The following NXPH1 variants were observed in gnomAD, a reference collection of about 807,000 sequenced individuals.
The protein encoded by NXPH1 is neurexophilin-1.
In NXPH1, 5 loss-of-function variants were observed where a neutral mutation model predicts 23.7. That is an observed-to-expected ratio of 0.21 (90% CI 0.11 to 0.44). NXPH1 has a LOEUF of 0.44. Among genes scored for constraint, NXPH1 ranks in the 20% least tolerant of loss-of-function variants. The probability of loss-of-function intolerance (pLI) is 0.99; values close to 1 mark genes in which losing one functional copy is unlikely to be tolerated. For synonymous variants in NXPH1, 144 were observed against 122.2 expected (o/e 1.18, Z -1.18); for missense variants, 324 against 321.6 (o/e 1.01, Z -0.06).
chr7:8,513,178 G>C, intron 2 of NXPH1, among the ~76,000 whole-genome samples: 1 of 152,068 alleles, frequency 6.6e-6, no homozygotes, highest in East Asian at 1.9e-4. Flanking sequence ...CTTTGAATGG[G>C]GTCATGAACA....
intron 2 of NXPH1, among the ~76,000 whole-genome samples, chr7:8,470,408 C>G (rs755585152): frequency 1.3e-5 from 2 of 152,108 alleles, no homozygotes; most frequent in Non-Finnish European, 2.9e-5. Flanking sequence ...AAATAATTTT[C>G]CTACAAAGGG....
intron 2 of NXPH1, among the ~76,000 whole-genome samples, chr7:8,513,622 A>T (rs777926879): frequency 6.6e-6 from 1 of 152,118 alleles, no homozygotes; most frequent in Non-Finnish European, 1.5e-5. Flanking sequence ...AGTAGCTACC[A>T]ACATTGCATT....
intron 2 of NXPH1, among the ~76,000 whole-genome samples, chr7:8,637,084 A>G (rs1820228382): frequency 6.6e-6 from 1 of 152,206 alleles, no homozygotes; most frequent in African/African-American, 2.4e-5. Context: ...GAGCAGAATC[A>G]TGGTACTGCC....
In NXPH1 at chr7:8,545,967, G is replaced by A. The variant is rs568759220; in HGVS notation, c.54+110200G>A. On this transcript the variant is annotated intron_variant, in intron 2 of 2. Coordinates refer to ENST00000405863, the MANE Select transcript of NXPH1 (RefSeq NM_152745.3). ...TGTGTAGGCTAAATGCTCACAGTGG[G>A]TAGAGAGACCAGCTGTTGTACTTTT... Among the ~76,000 whole-genome samples the A allele has an allele frequency of 4.6e-5, 7 of 151,586 alleles. No individual in the cohort carries two copies. In the East Asian group the frequency reaches 1.4e-3, roughly 30 times the overall value.
At chr7:8,673,519 A>G (rs1426349152) in intron 2 of NXPH1, among the ~76,000 whole-genome samples, 1 of 152,184 alleles carries the variant, frequency 6.6e-6, no homozygotes, top group Non-Finnish European at 1.5e-5. Context: ...GTGTGGCATT[A>G]GAGTTAAGTG....
chr7:8,436,026 C>G (rs1033690502), intron 2 of NXPH1, among the ~76,000 whole-genome samples: 8 of 152,098 alleles, frequency 5.3e-5, no homozygotes, highest in African/African-American at 1.9e-4. Context: ...ACCCTAAACC[C>G]AAGGAGGTAG....
At chr7:8,597,742 A>G (rs1819258523) in intron 2 of NXPH1, among the ~76,000 whole-genome samples, 1 of 151,260 alleles carries the variant, frequency 6.6e-6, no homozygotes, top group Non-Finnish European at 1.5e-5. Context: ...AGCAGTAGCT[A>G]TCACCTTTCT....
At chr7:8,611,937 C>T (rs184479788) in intron 2 of NXPH1, among the ~76,000 whole-genome samples, 31 of 152,108 alleles carry the variant, frequency 2.0e-4, no homozygotes, top group African/African-American at 7.0e-4. Flanking sequence ...AAGTTCCCAG[C>T]GTGCATGTAA....
chr7:8,574,984 A>T (rs1393386454), intron 2 of NXPH1, among the ~76,000 whole-genome samples: 2 of 152,158 alleles, frequency 1.3e-5, no homozygotes, highest in African/African-American at 4.8e-5. Flanking sequence ...AGAGTGAGGT[A>T]CTCCTTCGAC....
At chr7:8,446,279 T>C (rs1816401762) in intron 2 of NXPH1, among the ~76,000 whole-genome samples, 1 of 152,212 alleles carries the variant, frequency 6.6e-6, no homozygotes, top group African/African-American at 2.4e-5. Flanking sequence ...GGTTGTCCCT[T>C]CTTTTATGTA....
chr7:8,510,606 A>G (rs896775730), intron 2 of NXPH1, among the ~76,000 whole-genome samples: 3 of 152,158 alleles, frequency 2.0e-5, no homozygotes, highest in African/African-American at 7.2e-5. Context: ...TTTTAGGTAG[A>G]ATGAGAAGTG....
At chr7:8,697,842 G>A (rs1583235260) in intron 2 of NXPH1, among the ~76,000 whole-genome samples, 1 of 152,196 alleles carries the variant, frequency 6.6e-6, no homozygotes, top group East Asian at 1.9e-4. Context: ...ACCGGCAAGA[G>A]AGCCAGTGTG....
At chr7:8,615,935 T>A (rs1244641104) in intron 2 of NXPH1, among the ~76,000 whole-genome samples, 1 of 152,098 alleles carries the variant, frequency 6.6e-6, no homozygotes, top group Non-Finnish European at 1.5e-5. Flanking sequence ...GGTGAAGCAG[T>A]AGACTTCTAC....
chr7:8,548,589 G>A (rs1017637841), intron 2 of NXPH1, among the ~76,000 whole-genome samples: 21 of 151,424 alleles, frequency 1.4e-4, no homozygotes, highest in African/African-American at 5.1e-4. Flanking sequence ...TGCCACTGAC[G>A]CTGTCTCTGA....
At chr7:8,662,175 TATATATATATATATACACAC>T (rs1488059062) in intron 2 of NXPH1, among the ~76,000 whole-genome samples, 1 of 70,300 alleles carries the variant, frequency 1.4e-5, no homozygotes, top group Non-Finnish European at 3.0e-5. Context: ...TGATTTTATA[TATATATATATATATACACAC>T]ATATATATAT....
chr7:8,607,671 G>A (rs910282210), intron 2 of NXPH1, among the ~76,000 whole-genome samples: 1 of 152,166 alleles, frequency 6.6e-6, no homozygotes, highest in Non-Finnish European at 1.5e-5. Context: ...ACATTGAACT[G>A]TGGGAATATG....
At chr7:8,746,924 A>C (rs985759453) in intron 2 of NXPH1, among the ~76,000 whole-genome samples, 1 of 151,824 alleles carries the variant, frequency 6.6e-6, no homozygotes, top group African/African-American at 2.4e-5. Flanking sequence ...TTTTCTTTCA[A>C]GAATGCTTTA....
intron 2 of NXPH1, among the ~76,000 whole-genome samples, chr7:8,642,340 A>G (rs990700526): frequency 2.6e-5 from 4 of 152,274 alleles, no homozygotes; most frequent in African/African-American, 9.6e-5. Context: ...GTCTGATGCC[A>G]TTATCATTTC....
chr7:8,579,709 T>A (rs1380416776), intron 2 of NXPH1, among the ~76,000 whole-genome samples: 1 of 152,164 alleles, frequency 6.6e-6, no homozygotes, highest in Non-Finnish European at 1.5e-5. Context: ...CAGAATGTAA[T>A]TTGTTTTATC....
Sources: allele counts gnomAD v4.1 joint callset (sites outside exome capture counted in the v4.1 genomes callset), GRCh38; gene constraint gnomAD v4.1.1; transcripts MANE v1.5; gene names NCBI Gene and HGNC (gene_info 2026-07-23, HGNC 2026-07-21).